ZNF740: variants seen among roughly 807,000 people sequenced by gnomAD.
ZNF740 encodes the protein zinc finger protein 740.
ZNF740 carries 14 observed loss-of-function variants against 24.8 expected under a neutral mutation model. The observed-to-expected ratio is 0.56, with a 90% CI of 0.37 to 0.88. The LOEUF (loss-of-function observed/expected upper bound fraction) is 0.88, where lower values mean the gene tolerates loss of function less well. Among genes scored for constraint, ZNF740 ranks in the 40% least tolerant of loss-of-function variants. ZNF740 has a pLI of 0.00. For missense variants in ZNF740, 201 were observed against 247.9 expected, an observed-to-expected ratio of 0.81 and a Z score of 1.27; for synonymous variants, 69 against 84.0, an observed-to-expected ratio of 0.82 and a Z score of 0.98.
rs893027033 is a variant in ZNF740 at position 53,193,642 on chromosome 12, G to A, written c.*6052G>A. On this transcript the variant is annotated 3_prime_UTR_variant, in exon 7 of 7. Coordinates refer to ENST00000416904, the MANE Select transcript of ZNF740 (RefSeq NM_001004304.4). ...TGTGGGGGGGATGGAAAGCAGCGGA[G>A]GAATACGGGCCAGGGTTGGTTGGTT... 57 of 1,376,840 alleles carry A rather than the reference G, an allele frequency of 4.1e-5. No individual in the cohort carries two copies. In the African/African-American group the frequency reaches 7.3e-4, roughly 18 times the overall value. The allele number at this position is 1,376,840 out of a possible 1,614,324, so 85.3% of individuals were successfully genotyped here. A position where few individuals can be genotyped will look rare whatever the true frequency, so the allele number is the denominator to read the frequency against.
At chr12:53,183,424 C>T (rs75349054) in intron 2 of ZNF740, among the ~76,000 whole-genome samples, 4,209 of 152,214 alleles carry the variant, frequency 0.028, 184 homozygotes, top group African/African-American at 0.096. Context: ...GGTCCCAGAA[C>T]GTACTGATCA....
rs373021705 is a variant in ZNF740 at position 53,191,815 on chromosome 12, T to C, written c.*4225T>C. The C allele has an allele frequency of 4.9e-5, 79 of 1,610,774 alleles. 1 individual carries two copies. Among genetic ancestry groups the C allele is most frequent in the Non-Finnish European group, 6.2e-5 (73 of 1,178,068 alleles). On this transcript the variant is annotated 3_prime_UTR_variant, in exon 7 of 7. Coordinates refer to ENST00000416904, the MANE Select transcript of ZNF740 (RefSeq NM_001004304.4). ...GGAGGAATCAGGGCTGGTCTTGTGGTGGGGGAACAGCTAAAAAGGGGCCTA... is the reference window on the plus strand; with the variant it reads ...GGAGGAATCAGGGCTGGTCTTGTGGCGGGGGAACAGCTAAAAAGGGGCCTA...
chr12:53,181,479 AC>A (rs1941632181), intron 1 of ZNF740, 197 bp from the exon 2 acceptor site: 1 of 985,122 alleles, frequency 1.0e-6, no homozygotes, highest in Non-Finnish European at 1.2e-6. Flanking sequence ...GGCCCCAATT[AC>A]TTTTGCTCCT....
At chr12:53,181,202 C>T (rs1282748251) in intron 1 of ZNF740, 6 of 985,330 alleles carry the variant, frequency 6.1e-6, no homozygotes, top group African/African-American at 3.5e-5. Flanking sequence ...GCCTGTCCTC[C>T]ACCTCCGCAG....
In ZNF740 at chr12:53,193,413, CCT is replaced by C. The variant is rs1312312145; in HGVS notation, c.*5824_*5825del. ...AAGTAGGTCAGAGGGTTTGATCACC[CCT>C]GACTTGTCTCTCCCAGGAACCTCTA... On this transcript the variant is annotated 3_prime_UTR_variant, in exon 7 of 7. Coordinates refer to ENST00000416904, the MANE Select transcript of ZNF740 (RefSeq NM_001004304.4). The C allele has an allele frequency of 4.5e-6, 6 of 1,325,804 alleles. No individual in the cohort carries two copies. Among genetic ancestry groups the C allele is most frequent in the African/African-American group, 1.5e-5 (1 of 67,620 alleles). 82.1% of individuals were successfully genotyped at this position (1,325,804 alleles called of 1,614,324 possible).
intron 6 of ZNF740, 135 bp from the exon 7 acceptor site, chr12:53,187,366 A>C: frequency 1.4e-6 from 1 of 715,672 alleles, no homozygotes. Flanking sequence ...ATTCTCCACC[A>C]CCGTGTGCTC....
Position 53,181,891 on chromosome 12 carries a change from A to AT in ZNF740, c.-90dup. 6.6e-7 allele frequency: 1 copy of AT among 1,522,506 alleles called. No homozygotes were observed. Among genetic ancestry groups the AT allele is most frequent in the Non-Finnish European group, 8.9e-7 (1 of 1,117,918 alleles). 94.3% of individuals were successfully genotyped at this position (1,522,506 alleles called of 1,614,324 possible). On this transcript the variant is annotated 5_prime_UTR_variant, in exon 2 of 7. An upstream open reading frame in the 5' UTR loses its in-frame stop. Coordinates refer to ENST00000416904, the MANE Select transcript of ZNF740 (RefSeq NM_001004304.4). ...GGGACACGAAGGAGTCGCTACCGTG[A>AT]TTTGGTGACAGTTCTTCAAAACGAC...
Position 53,194,159 on chromosome 12 carries a change from C to T in ZNF740, c.*6569C>T, listed in dbSNP as rs777227827. 2 of 1,612,402 alleles carry T rather than the reference C, an allele frequency of 1.2e-6. No individual in the cohort carries two copies. Among genetic ancestry groups the T allele is most frequent in the South Asian group, 1.1e-5 (1 of 90,986 alleles). On this transcript the variant is annotated 3_prime_UTR_variant, in exon 7 of 7. Transcript: ENST00000416904. Reference sequence around the variant, plus strand: ...CCTGCTTAATTTCCCACTCCCACCTCCCCCTGCCCGCCTTCTGCCTGTGCT... The same window carrying T: ...CCTGCTTAATTTCCCACTCCCACCTTCCCCTGCCCGCCTTCTGCCTGTGCT...
chr12:53,188,670 G>A lies in ZNF740; in HGVS notation c.*1080G>A, dbSNP rs1941870531. The A allele has an allele frequency of 6.6e-6, 1 of 152,210 alleles. No homozygotes were observed. The highest frequency in any genetic ancestry group is 2.4e-5 in the African/African-American group (1 of 41,444). 9.4% of individuals were successfully genotyped at this position (152,210 alleles called of 1,614,324 possible). ...AGTCCTATCACTGTATTCAGGTAGAGGAGGTAGGGAGGGGTCTGTCCTTTG... is the reference window on the plus strand; with the variant it reads ...AGTCCTATCACTGTATTCAGGTAGAAGAGGTAGGGAGGGGTCTGTCCTTTG... On this transcript the variant is annotated 3_prime_UTR_variant, in exon 7 of 7. Transcript: ENST00000416904.
chr12:53,184,114 GGTGTGTGTGTGTGTGT>G lies in ZNF740; in HGVS notation c.10-755_10-740del, dbSNP rs754768891. ...TCAAAAGTGGGCTCTGAAGCTAAGGGGTGTGTGTGTGTGTGTGTGTGTGTGTGTGTGTGTGTGCGCG... is the reference window on the plus strand; with the variant it reads ...TCAAAAGTGGGCTCTGAAGCTAAGGGGTGTGTGTGTGTGTGTGTGTGCGCG... On this transcript the variant is annotated intron_variant, in intron 2 of 6. Transcript: ENST00000416904. 2.7e-4 allele frequency among the ~76,000 whole-genome samples: 33 copies of G among 123,572 alleles called. No individual in the cohort carries two copies. The East Asian group carries it at 6.2e-3, about 23-fold the overall frequency. 81.1% of individuals were successfully genotyped at this position (123,572 alleles called of 152,430 possible). A position where few individuals can be genotyped will look rare whatever the true frequency, so the allele number is the denominator to read the frequency against.
At chr12:53,186,345 A>T in intron 5 of ZNF740, 46 bp from the exon 6 acceptor site, 1 of 1,491,838 alleles carries the variant, frequency 6.7e-7, no homozygotes, top group Non-Finnish European at 9.2e-7. Context: ...TGAGGTCCCT[A>T]CTGTACATAC....
chr12:53,193,476 C>T lies in ZNF740; in HGVS notation c.*5886C>T. On this transcript the variant is annotated 3_prime_UTR_variant, in exon 7 of 7. Transcript: ENST00000416904. ...CTCAAAAGAGTTGGAGACAGACAAACAGCTGAAAGGATGTTAAGTATAGTG... is the reference window on the plus strand; with the variant it reads ...CTCAAAAGAGTTGGAGACAGACAAATAGCTGAAAGGATGTTAAGTATAGTG... 1.2e-6 allele frequency: 1 copy of T among 833,986 alleles called. No individual in the cohort carries two copies. Among genetic ancestry groups the T allele is most frequent in the Non-Finnish European group, 1.8e-6 (1 of 544,008 alleles). 51.7% of individuals were successfully genotyped at this position (833,986 alleles called of 1,614,324 possible).
In ZNF740 at chr12:53,190,542, T is replaced by TG. The variant is rs1159416857; in HGVS notation, c.*2954dup. ...ATCACTTAGCTACTGATCACGCCCA[T>TG]GGCTTGACATTGGAGGGTTACATTA... On this transcript the variant is annotated 3_prime_UTR_variant, in exon 7 of 7. Coordinates refer to ENST00000416904, the MANE Select transcript of ZNF740 (RefSeq NM_001004304.4). 6.5e-6 allele frequency: 1 copy of TG among 152,684 alleles called. No homozygotes were observed. The highest frequency in any genetic ancestry group is 1.5e-5 in the Non-Finnish European group (1 of 68,092). The allele number at this position is 152,684 out of a possible 1,614,324, so 9.5% of individuals were successfully genotyped here.
chr12:53,182,382 T>C (rs778143047), intron 2 of ZNF740, among the ~76,000 whole-genome samples: 20 of 152,196 alleles, frequency 1.3e-4, no homozygotes, highest in Non-Finnish European at 2.8e-4. Flanking sequence ...AATACAAAGA[T>C]GAATACGATT....
At position 53,188,695 on chromosome 12, in the gene ZNF740, G is replaced by C. The variant is rs1446073739; in HGVS notation, c.*1105G>C. ...GGAGGTAGGGAGGGGTCTGTCCTTT[G>C]GTCCCAAAAAACAAGATCTCGGCTT... is the stretch of plus-strand genomic sequence containing the variant. On this transcript the variant is annotated 3_prime_UTR_variant, in exon 7 of 7. Coordinates refer to ENST00000416904, the MANE Select transcript of ZNF740 (RefSeq NM_001004304.4). The C allele has an allele frequency of 6.6e-6, 1 of 152,138 alleles. No individual in the cohort carries two copies. The highest frequency in any genetic ancestry group is 6.5e-5 in the Admixed American group (1 of 15,270). The allele number at this position is 152,138 out of a possible 1,614,324, so 9.4% of individuals were successfully genotyped here. A position where few individuals can be genotyped will look rare whatever the true frequency, so the allele number is the denominator to read the frequency against.
chr12:53,190,253 TCA>T lies in ZNF740; in HGVS notation c.*2667_*2668del, dbSNP rs1435793413. 6.6e-6 allele frequency: 1 copy of T among 152,632 alleles called. No individual in the cohort carries two copies. Among genetic ancestry groups the T allele is most frequent in the Non-Finnish European group, 1.5e-5 (1 of 68,060 alleles). The allele number at this position is 152,632 out of a possible 1,614,324, so 9.5% of individuals were successfully genotyped here. ...CGGATACCCCAGGGAAGCCACTGAC[TCA>T]CACCGCTGCAGAGGCTCCTGGGCCC... is the stretch of plus-strand genomic sequence containing the variant. On this transcript the variant is annotated 3_prime_UTR_variant, in exon 7 of 7. Coordinates refer to ENST00000416904, the MANE Select transcript of ZNF740 (RefSeq NM_001004304.4).
chr12:53,191,673 C>T lies in ZNF740; in HGVS notation c.*4083C>T, dbSNP rs947717248. 6.3e-7 allele frequency: 1 copy of T among 1,586,644 alleles called. No homozygotes were observed. Among genetic ancestry groups the T allele is most frequent in the Admixed American group, 1.7e-5 (1 of 59,980 alleles). ...TGTTGCAGATTATAAGCAAAAATCC[C>T]AGGATTCCTCGTCCCCTTTCTAGAC... On this transcript the variant is annotated 3_prime_UTR_variant, in exon 7 of 7. Coordinates refer to ENST00000416904, the MANE Select transcript of ZNF740 (RefSeq NM_001004304.4).
intron 4 of ZNF740, 85 bp downstream of exon 4, chr12:53,185,561 A>G: frequency 8.0e-7 from 1 of 1,257,804 alleles, no homozygotes; most frequent in Non-Finnish European, 1.1e-6. Flanking sequence ...TGTAACCTGG[A>G]GCTTTCCCTA....
intron 6 of ZNF740, 81 bp downstream of exon 6, chr12:53,186,590 C>A: frequency 2.7e-6 from 3 of 1,123,302 alleles, no homozygotes; most frequent in Non-Finnish European, 2.6e-6. Flanking sequence ...TCCTGCCTGA[C>A]AAAAGAGCCA....
Sources: gnomAD v4.1 joint callset for allele counts (sites outside exome capture counted in the v4.1 genomes callset) on GRCh38, gnomAD v4.1.1 for gene constraint, MANE v1.5 for transcripts, NCBI Gene and HGNC (gene_info 2026-07-23, HGNC 2026-07-21) for gene names.